Variants in SDK1 observed in about 807,000 individuals in gnomAD.
SDK1 encodes protein sidekick-1.
A neutral mutation model predicts 245.5 loss-of-function variants in SDK1; 157 were observed. That is an observed-to-expected ratio of 0.64 (90% confidence interval 0.56 to 0.73). The LOEUF (loss-of-function observed/expected upper bound fraction) is 0.73. Among genes scored for constraint, SDK1 ranks in the 30% least tolerant of loss-of-function variants. The pLI, the probability that SDK1 is intolerant of heterozygous loss-of-function variation, is 0.00. For missense variants in SDK1, 3,583 were observed against 3,002.3 expected (o/e 1.19, Z -4.52); for synonymous variants, 1,647 against 1,278.5 (o/e 1.29, Z -6.15).
intron 1 of SDK1, among the ~76,000 whole-genome samples, chr7:3,543,555 T>C (rs1475276139): frequency 6.6e-6 from 1 of 152,158 alleles, no homozygotes; most frequent in African/African-American, 2.4e-5. Flanking sequence ...GGATGACACA[T>C]AGCCACATAA....
chr7:4,183,640 C>CAAA (rs548155248), intron 35 of SDK1, among the ~76,000 whole-genome samples: 7 of 73,112 alleles, frequency 9.6e-5, no homozygotes, highest in South Asian at 8.5e-4. Flanking sequence ...GACTCCGTCT[C>CAAA]AAAAAAAAAA....
chr7:3,910,950 G>A (rs1047666648), intron 5 of SDK1, among the ~76,000 whole-genome samples: 1 of 152,154 alleles, frequency 6.6e-6, no homozygotes, highest in African/African-American at 2.4e-5. Context: ...CTCTCCCCAA[G>A]CTCAGGCGTG....
intron 5 of SDK1, among the ~76,000 whole-genome samples, chr7:3,859,619 C>CA (rs1365574832): frequency 3.3e-5 from 5 of 152,114 alleles, no homozygotes; most frequent in South Asian, 2.1e-4. Context: ...TATCAACAGA[C>CA]AAAGAAAGTC....
intron 1 of SDK1, among the ~76,000 whole-genome samples, chr7:3,442,057 G>C (rs1056817779): frequency 6.6e-6 from 1 of 152,138 alleles, no homozygotes; most frequent in African/African-American, 2.4e-5. Context: ...CACCTAGCCT[G>C]CTGGTACCTG....
intron 5 of SDK1, among the ~76,000 whole-genome samples, chr7:3,862,368 G>A (rs564587025): frequency 6.6e-6 from 1 of 152,322 alleles, no homozygotes; most frequent in South Asian, 2.1e-4. Flanking sequence ...CCAGGCTGGT[G>A]CAGTCTCGGT....
rs548373993 is a variant in SDK1 at position 3,362,561 on chromosome 7, A to T, written c.298+60677A>T. 2.5e-4 allele frequency among the ~76,000 whole-genome samples: 38 copies of T among 152,278 alleles called. 1 individual carries two copies. The South Asian group carries it at 4.1e-3, about 17-fold the overall frequency. ...CCTCATTAAAATATTAAACTTAAAA[A>T]TTTTTTAAAGCATAATTGCGTTTTT... On this transcript the variant is annotated intron_variant, in intron 1 of 44. Transcript: ENST00000404826.
chr7:4,078,508 A>G (rs1468327967), intron 21 of SDK1, among the ~76,000 whole-genome samples: 1 of 152,154 alleles, frequency 6.6e-6, no homozygotes, highest in African/African-American at 2.4e-5. Context: ...AAATAGTTTC[A>G]TTGTCCCTGT....
chr7:4,126,722 A>G (rs1584221318), intron 25 of SDK1, among the ~76,000 whole-genome samples: 1 of 152,234 alleles, frequency 6.6e-6, no homozygotes, highest in East Asian at 1.9e-4. Flanking sequence ...ATTTTCTTAC[A>G]TGTGTATGGG....
chr7:3,517,922 C>G (rs1310458411), intron 1 of SDK1, among the ~76,000 whole-genome samples: 1 of 152,020 alleles, frequency 6.6e-6, no homozygotes, highest in Non-Finnish European at 1.5e-5. Context: ...AGTCTTTTTT[C>G]TCAGTTTAAT....
At chr7:3,893,308 C>T (rs1057352748) in intron 5 of SDK1, among the ~76,000 whole-genome samples, 6 of 152,148 alleles carry the variant, frequency 3.9e-5, no homozygotes, top group Admixed American at 6.5e-5. Context: ...GGGTCTGAAT[C>T]GCACTGTCTG....
At chr7:4,247,694 CTG>C (rs1280027676) in intron 44 of SDK1, among the ~76,000 whole-genome samples, 6 of 152,228 alleles carry the variant, frequency 3.9e-5, no homozygotes, top group Non-Finnish European at 8.8e-5. Context: ...GCGCTCGCTG[CTG>C]TGTGTTTCCA....
intron 13 of SDK1, among the ~76,000 whole-genome samples, chr7:3,975,362 C>T (rs1218531866): frequency 1.3e-5 from 2 of 152,236 alleles, no homozygotes; most frequent in African/African-American, 4.8e-5. Flanking sequence ...GCATCCGTCC[C>T]TGGTCATCGT....
intron 1 of SDK1, among the ~76,000 whole-genome samples, chr7:3,333,048 G>T (rs142581254): frequency 0.013 from 1,929 of 152,284 alleles, 27 homozygotes; most frequent in Non-Finnish European, 0.019. Context: ...CAAGAAAGGA[G>T]AAGCTGCTAC....
chr7:3,331,824 T>A (rs954273781), intron 1 of SDK1, among the ~76,000 whole-genome samples: 1 of 152,176 alleles, frequency 6.6e-6, no homozygotes, highest in Non-Finnish European at 1.5e-5. Context: ...TCCCAATTAG[T>A]TGACTTTCAG....
chr7:3,341,968 C>A (rs1353250238), intron 1 of SDK1, among the ~76,000 whole-genome samples: 1 of 152,086 alleles, frequency 6.6e-6, no homozygotes, highest in Admixed American at 6.5e-5. Flanking sequence ...CCCAGAATAA[C>A]TAAAACGATC....
intron 4 of SDK1, among the ~76,000 whole-genome samples, chr7:3,783,554 G>A (rs1291974955): frequency 6.6e-6 from 1 of 151,522 alleles, no homozygotes; most frequent in African/African-American, 2.4e-5. Context: ...AAAAATCAGT[G>A]GCATTTCTAT....
At chr7:3,866,668 A>G (rs952739341) in intron 5 of SDK1, among the ~76,000 whole-genome samples, 3 of 152,144 alleles carry the variant, frequency 2.0e-5, no homozygotes, top group African/African-American at 7.2e-5. Flanking sequence ...TGGACCACAG[A>G]TTAATTGAAA....
chr7:3,993,323 A>C (rs572730945), intron 14 of SDK1, among the ~76,000 whole-genome samples: 9 of 152,344 alleles, frequency 5.9e-5, no homozygotes, highest in African/African-American at 2.2e-4. Context: ...GCCTTCTACC[A>C]GTTATCAAGA....
At chr7:3,603,689 G>A (rs1052352915) in intron 1 of SDK1, among the ~76,000 whole-genome samples, 5 of 152,104 alleles carry the variant, frequency 3.3e-5, no homozygotes, top group Admixed American at 1.3e-4. Context: ...TCTCCTGCCT[G>A]ATTGCCCTGG....
Sources: gnomAD v4.1 joint callset for allele counts (sites outside exome capture counted in the v4.1 genomes callset) on GRCh38, gnomAD v4.1.1 for gene constraint, MANE v1.5 for transcripts, NCBI Gene and HGNC (gene_info 2026-07-23, HGNC 2026-07-21) for gene names.